GABPB1: variants seen among roughly 807,000 people sequenced by gnomAD.
The protein encoded by GABPB1 is GA-binding protein subunit beta-1.
In GABPB1, 15 loss-of-function variants were observed where a neutral mutation model predicts 45.9. The observed-to-expected ratio is 0.33, with a 90% CI of 0.22 to 0.50. The LOEUF is 0.50. Among genes scored for constraint, GABPB1 ranks in the 20% least tolerant of loss-of-function variants. GABPB1 has a pLI of 0.98. For missense variants in GABPB1, 252 were observed against 457.5 expected, an observed-to-expected ratio of 0.55 and a Z score of 4.10; for synonymous variants, 143 against 154.4, an observed-to-expected ratio of 0.93 and a Z score of 0.55.
Position 50,302,950 on chromosome 15 carries a change from T to G in GABPB1, c.450A>C (p.Glu150Asp). 1 of 1,612,362 alleles carries G rather than the reference T, an allele frequency of 6.2e-7. No individual in the cohort carries two copies. Among genetic ancestry groups the G allele is most frequent in the Non-Finnish European group, 8.5e-7 (1 of 1,179,034 alleles). Residue 150 changes from glutamate (E) to aspartate (D), a missense_variant, in exon 4 of 9, where the codon GAA (glutamate) becomes GAC (aspartate). Around this residue, in one of 4 missense-constraint regions of GABPB1, gnomAD observed 193 missense variants for 259.9 expected, o/e 0.74. Transcript: ENST00000380877. ...TTACCTGTAATATCTCTGCTAAATC[T>G]TCATTTCCATTGTCTATTGAAATAT... ...AFDISIDNGNEDLAEILQIAM... is the reference protein window; with the variant it reads ...AFDISIDNGNDDLAEILQIAM...
chr15:50,317,341 T>C (rs952568118), intron 1 of GABPB1, among the ~76,000 whole-genome samples: 24 of 149,420 alleles, frequency 1.6e-4, no homozygotes, highest in African/African-American at 5.4e-4. Flanking sequence ...GAGGCAGAGG[T>C]TGCAGTGAGC....
chr15:50,335,639 C>G (rs1484765530), intron 1 of GABPB1, among the ~76,000 whole-genome samples: 3 of 152,090 alleles, frequency 2.0e-5, no homozygotes, highest in Non-Finnish European at 4.4e-5. Flanking sequence ...TGGCTCACAC[C>G]TGTAATCCCA....
intron 1 of GABPB1, among the ~76,000 whole-genome samples, chr15:50,336,999 C>T (rs1385342395): frequency 1.3e-5 from 2 of 148,956 alleles, no homozygotes; most frequent in African/African-American, 4.9e-5. Context: ...GGGCCATGAT[C>T]GCACCACTGC....
chr15:50,301,989 C>CTAG, intron 4 of GABPB1, among the ~76,000 whole-genome samples: 1 of 152,256 alleles, frequency 6.6e-6, no homozygotes, highest in East Asian at 1.9e-4. Context: ...CATAAAACAT[C>CTAG]TTTTAAGTAA....
At chr15:50,338,414 T>C (rs1040582830) in intron 1 of GABPB1, among the ~76,000 whole-genome samples, 1 of 152,140 alleles carries the variant, frequency 6.6e-6, no homozygotes, top group Non-Finnish European at 1.5e-5. Context: ...TTGTCTTATA[T>C]ACAGTTACTC....
intron 6 of GABPB1, among the ~76,000 whole-genome samples, chr15:50,294,956 C>T (rs1896169): frequency 0.076 from 11,614 of 152,076 alleles, 1,344 homozygotes; most frequent in African/African-American, 0.25. Context: ...AGGTATTATA[C>T]AGTTGTACCA....
At position 50,309,729 on chromosome 15, in the gene GABPB1, T is replaced by C. The variant is rs1435059788; in HGVS notation, c.70A>G (p.Ile24Val). The C allele has an allele frequency of 1.2e-6, 2 of 1,612,638 alleles. No homozygotes were observed. The highest frequency in any genetic ancestry group is 2.7e-5 in the African/African-American group (2 of 74,922). Residue 24 changes from isoleucine to valine, a missense_variant, in exon 2 of 9, where the codon ATT becomes GTT. Physicochemically the swap from Ile to Val is conservative, Grantham distance 29. This residue lies in a region of GABPB1 where 35 missense variants were observed against 143.7 expected (regional missense o/e 0.24). Coordinates refer to ENST00000380877, the MANE Select transcript of GABPB1 (RefSeq NM_016654.5). ...AAGGGAGCTCCATTTGCCATCAAAATACGAACTTCATCATCTTGACCTGCT... is the reference window on the plus strand; with the variant it reads ...AAGGGAGCTCCATTTGCCATCAAAACACGAACTTCATCATCTTGACCTGCT... ...ARAGQDDEVR[I>V]LMANGAPFTT...
At position 50,304,128 on chromosome 15, in the gene GABPB1, T is replaced by G; in HGVS notation, c.114A>C (p.Gly38=). Residue 38 remains glycine, a synonymous_variant, in exon 3 of 9, where the codon GGA becomes GGC. Transcript: ENST00000380877. ...GTGCTGCTAGATGAAGTGGAGAAGTTCCCAGCTGTACCACAGAAAAAAAAA... is the reference window on the plus strand; with the variant it reads ...GTGCTGCTAGATGAAGTGGAGAAGTGCCCAGCTGTACCACAGAAAAAAAAA... The part of the protein sequence containing the change: ...NGAPFTTDWL[G]TSPLHLAAQY... 1 of 1,585,110 alleles carries G rather than the reference T, an allele frequency of 6.3e-7. No homozygotes were observed. The highest frequency in any genetic ancestry group is 8.6e-7 in the Non-Finnish European group (1 of 1,169,366).
At chr15:50,284,205 A>T (rs949348518) in intron 8 of GABPB1, among the ~76,000 whole-genome samples, 2 of 152,158 alleles carry the variant, frequency 1.3e-5, no homozygotes, top group African/African-American at 4.8e-5. Flanking sequence ...TATTATAAGG[A>T]AATTATTACC....
chr15:50,326,826 C>G (rs1023569744), intron 1 of GABPB1, among the ~76,000 whole-genome samples: 8 of 150,258 alleles, frequency 5.3e-5, no homozygotes, highest in Non-Finnish European at 1.2e-4. Context: ...AGAGCAAGAC[C>G]CCCGTCTTTA....
intron 3 of GABPB1, 118 bp downstream of exon 3, chr15:50,303,848 A>G: frequency 1.3e-6 from 1 of 755,832 alleles, no homozygotes; most frequent in Non-Finnish European, 2.1e-6. Flanking sequence ...TTATACACAC[A>G]AAAAATGAAA....
rs1171917470 is a variant in GABPB1, at chr15:50,296,415, AATAAG to A, written c.697+4369_697+4373del. ...AAGTAATAGCGACGCTCTTGCTTAA[AATAAG>A]ATAAAATGAAAATTACACAAATAAT... On this transcript the variant is annotated intron_variant, in intron 6 of 8. Transcript: ENST00000380877. 3.3e-5 allele frequency among the ~76,000 whole-genome samples: 5 copies of A among 152,336 alleles called. No individual in the cohort carries two copies. In the East Asian group the frequency reaches 5.8e-4, roughly 18 times the overall value.
chr15:50,354,351 C>A (rs1470699033), intron 1 of GABPB1: 4 of 448,330 alleles, frequency 8.9e-6, no homozygotes, highest in Non-Finnish European at 1.8e-5. Flanking sequence ...GCTGCGGGGG[C>A]CCCGCGCGGG....
Position 50,277,759 on chromosome 15 carries a change from T to C in GABPB1, c.*873A>G, listed in dbSNP as rs2045864972. 6.6e-6 allele frequency: 1 copy of C among 152,634 alleles called. No individual in the cohort carries two copies. The allele number at this position is 152,634 out of a possible 1,614,324, so 9.5% of individuals were successfully genotyped here. A position where few individuals can be genotyped will look rare whatever the true frequency, so the allele number is the denominator to read the frequency against. On this transcript the variant is annotated 3_prime_UTR_variant, in exon 9 of 9. Coordinates refer to ENST00000380877, the MANE Select transcript of GABPB1 (RefSeq NM_016654.5). ...AAGTGCTTTCATGTGGAAATCATGA[T>C]GGAAGGCACAGAATACAGTTTCACG...
At chr15:50,346,587 G>GTTTTTTTTTT (rs67151288) in intron 1 of GABPB1, among the ~76,000 whole-genome samples, 2 of 119,906 alleles carry the variant, frequency 1.7e-5, no homozygotes, top group Non-Finnish European at 3.3e-5. Context: ...ACAACAGAAA[G>GTTTTTTTTTT]TTTTTTTTTT....
intron 1 of GABPB1, among the ~76,000 whole-genome samples, chr15:50,339,922 G>GT (rs2048289988): frequency 6.6e-6 from 1 of 152,132 alleles, no homozygotes; most frequent in Non-Finnish European, 1.5e-5. Context: ...AAATCTGGGA[G>GT]TTATCTTCCA....
At chr15:50,286,303 C>A in intron 7 of GABPB1, 120 bp from the exon 8 acceptor site, 1 of 659,314 alleles carries the variant, frequency 1.5e-6, no homozygotes, top group Non-Finnish European at 2.3e-6. Flanking sequence ...AACAATAATT[C>A]CAAATCATTG....
chr15:50,324,570 A>T, intron 1 of GABPB1, among the ~76,000 whole-genome samples: 2 of 132,846 alleles, frequency 1.5e-5, no homozygotes, highest in South Asian at 2.5e-4. Flanking sequence ...TTTGAGACAG[A>T]GTCTCACTCT....
At chr15:50,334,572 A>T (rs1407782310) in intron 1 of GABPB1, among the ~76,000 whole-genome samples, 1 of 143,044 alleles carries the variant, frequency 7.0e-6, no homozygotes, top group Non-Finnish European at 1.5e-5. Context: ...TGGTGGTACA[A>T]CCTTGGCTCA....
Sources: allele counts gnomAD v4.1 joint callset (sites outside exome capture counted in the v4.1 genomes callset), GRCh38; gene constraint gnomAD v4.1.1; regional missense constraint gnomAD v4.1.1; transcripts MANE v1.5; gene names NCBI Gene and HGNC (gene_info 2026-07-23, HGNC 2026-07-21).